The following DNM1L variants were observed in gnomAD, a reference collection of about 807,000 sequenced individuals.
The protein encoded by DNM1L is dynamin 1L.
A neutral mutation model predicts 92.8 loss-of-function variants in DNM1L; 33 were observed. That is an observed-to-expected ratio of 0.36 (90% CI 0.27 to 0.48). DNM1L has a LOEUF of 0.48. Among genes scored for constraint, DNM1L ranks in the 20% least tolerant of loss-of-function variants. The pLI, the probability that DNM1L is intolerant of heterozygous loss-of-function variation, is 0.99. For missense variants in DNM1L, 485 were observed against 888.8 expected, an observed-to-expected ratio of 0.55 and a Z score of 5.78; for synonymous variants, 284 against 305.0, an observed-to-expected ratio of 0.93 and a Z score of 0.72.
At chr12:32,722,220 A>G (rs1450061570) in intron 8 of DNM1L, among the ~76,000 whole-genome samples, 3 of 152,172 alleles carry the variant, frequency 2.0e-5, no homozygotes, top group Non-Finnish European at 4.4e-5. Context: ...GAGACACTCT[A>G]AACACCCTTA....
At chr12:32,742,983 C>T (rs927383813) in intron 19 of DNM1L, among the ~76,000 whole-genome samples, 1 of 149,938 alleles carries the variant, frequency 6.7e-6, no homozygotes, top group African/African-American at 2.5e-5. Flanking sequence ...GCAAGCGCCG[C>T]CTCCCAGGTT....
intron 2 of DNM1L, 71 bp downstream of exon 2, chr12:32,701,633 TGATTA>T (rs746142001): frequency 5.1e-6 from 7 of 1,380,338 alleles, no homozygotes; most frequent in Non-Finnish European, 7.2e-6. Flanking sequence ...AGATATGAAT[TGATTA>T]GATAATTAGA....
At position 32,722,537 on chromosome 12, in the gene DNM1L, A is replaced by C; in HGVS notation, c.983A>C (p.Asp328Ala). 1 of 1,613,524 alleles carries C rather than the reference A, an allele frequency of 6.2e-7. No homozygotes were observed. The highest frequency in any genetic ancestry group is 8.5e-7 in the Non-Finnish European group (1 of 1,179,968). Residue 328 changes from aspartate to alanine, a missense_variant, in exon 9 of 20, where the codon GAT (aspartate) becomes GCT (alanine). This residue lies in a region of DNM1L where 40 missense variants were observed against 128.7 expected (regional missense o/e 0.31). Transcript: ENST00000549701. ...AATAGCTACGGTGAACCCGTGGATG[A>C]TAAAAGTGCTACTTTACTCCAACTT... ...LLNSYGEPVD[D>A]KSATLLQLIT...
intron 14 of DNM1L, 103 bp from the exon 15 acceptor site, chr12:32,737,758 GTTAT>G: frequency 1.2e-6 from 1 of 837,548 alleles, no homozygotes; most frequent in South Asian, 1.4e-5. Context: ...CATCTTTCAT[GTTAT>G]TTTACGATTT....
chr12:32,716,929 CTAATT>C (rs1953407731), intron 6 of DNM1L, among the ~76,000 whole-genome samples: 1 of 146,320 alleles, frequency 6.8e-6, no homozygotes, highest in African/African-American at 2.5e-5. Context: ...AATGGGACTG[CTAATT>C]TAACTTTATA....
At chr12:32,737,740 A>G in intron 14 of DNM1L, 125 bp from the exon 15 acceptor site, 2 of 769,138 alleles carry the variant, frequency 2.6e-6, no homozygotes, top group Non-Finnish European at 4.5e-6. Flanking sequence ...ATCTCCCATG[A>G]TTATTTTCAT....
In DNM1L at chr12:32,718,040, C is replaced by T. The variant is rs536712103; in HGVS notation, c.620-603C>T. 2.1e-3 allele frequency among the ~76,000 whole-genome samples: 257 copies of T among 121,622 alleles called. 11 individuals are homozygous for T. The South Asian group carries it at 0.058, about 28-fold the overall frequency. 79.8% of individuals were successfully genotyped at this position (121,622 alleles called of 152,430 possible). On this transcript the variant is annotated intron_variant, in intron 6 of 19. Coordinates refer to ENST00000549701, the MANE Select transcript of DNM1L (RefSeq NM_012062.5). ...ATATATATTATAAATATATACTATA[C>T]ATACTATATATACTATACATATTTT...
chr12:32,717,883 A>AT (rs567061273), intron 6 of DNM1L, among the ~76,000 whole-genome samples: 1 of 108,804 alleles, frequency 9.2e-6, no homozygotes, highest in East Asian at 2.3e-4. Context: ...TACTATATAT[A>AT]TTTATATATA....
At chr12:32,738,736 A>G (rs1955080599) in intron 16 of DNM1L, among the ~76,000 whole-genome samples, 1 of 152,178 alleles carries the variant, frequency 6.6e-6, no homozygotes, top group African/African-American at 2.4e-5. Flanking sequence ...TAAAAAAACA[A>G]ATGGGGACTG....
intron 1 of DNM1L, among the ~76,000 whole-genome samples, chr12:32,690,691 C>T (rs1454525209): frequency 6.6e-6 from 1 of 152,130 alleles, no homozygotes; most frequent in Non-Finnish European, 1.5e-5. Flanking sequence ...GTAACCATCT[C>T]ATAGAGTTGT....
chr12:32,739,853 A>G (rs1020454418), intron 16 of DNM1L: 14 of 593,514 alleles, frequency 2.4e-5, no homozygotes, highest in Non-Finnish European at 3.2e-5. Flanking sequence ...ATGCCTTGCA[A>G]ACAACTTAGA....
At chr12:32,703,692 A>G (rs2137315294) in intron 2 of DNM1L, among the ~76,000 whole-genome samples, 1 of 152,154 alleles carries the variant, frequency 6.6e-6, no homozygotes, top group African/African-American at 2.4e-5. Flanking sequence ...GCTTAGTTAC[A>G]TGACAAAGAC....
At chr12:32,732,886 C>T (rs940515506) in intron 12 of DNM1L, among the ~76,000 whole-genome samples, 35 of 152,188 alleles carry the variant, frequency 2.3e-4, no homozygotes, top group African/African-American at 7.5e-4. Context: ...CACTTGAGGT[C>T]GGAAGTTTGA....
At chr12:32,720,635 G>A (rs760161620) in intron 7 of DNM1L, 29 bp from the exon 8 acceptor site, 11 of 1,613,252 alleles carry the variant, frequency 6.8e-6, no homozygotes, top group Non-Finnish European at 8.5e-6. Context: ...CAGTTAAGCT[G>A]AATAGTTTCG....
chr12:32,681,400 A>C (rs999840367), intron 1 of DNM1L, among the ~76,000 whole-genome samples: 2 of 152,018 alleles, frequency 1.3e-5, no homozygotes, highest in African/African-American at 4.8e-5. Flanking sequence ...AAAATACGAA[A>C]ATTAGCTGGG....
At chr12:32,696,670 AAT>A (rs757737609) in intron 1 of DNM1L, among the ~76,000 whole-genome samples, 24,839 of 150,744 alleles carry the variant, frequency 0.16, 2,250 homozygotes, top group African/African-American at 0.24. Flanking sequence ...ATTGTTGTCC[AAT>A]GGCGTGCAAT....
chr12:32,726,921 A>G (rs1477228631), intron 9 of DNM1L: 11 of 698,600 alleles, frequency 1.6e-5, no homozygotes, highest in Non-Finnish European at 2.6e-5. Context: ...AAATTCTAAG[A>G]CAAAACTCAT....
intron 9 of DNM1L, among the ~76,000 whole-genome samples, chr12:32,723,113 C>T (rs2137449288): frequency 6.6e-6 from 1 of 151,366 alleles, no homozygotes; most frequent in Admixed American, 6.6e-5. Flanking sequence ...CAAGTCCAGC[C>T]TGGGCAACAT....
intron 16 of DNM1L, among the ~76,000 whole-genome samples, chr12:32,738,875 A>G (rs746740819): frequency 3.5e-4 from 54 of 152,272 alleles, no homozygotes; most frequent in Non-Finnish European, 6.5e-4. Context: ...AATTATCCAG[A>G]TTTAAAGTTC....
Sources: gnomAD v4.1 joint callset for allele counts (sites outside exome capture counted in the v4.1 genomes callset) on GRCh38, gnomAD v4.1.1 for gene constraint, gnomAD v4.1.1 regional missense constraint, MANE v1.5 for transcripts, NCBI Gene and HGNC (gene_info 2026-07-23, HGNC 2026-07-21) for gene names.